Variants in CMSS1 observed in about 807,000 individuals in gnomAD.
The protein encoded by CMSS1 is cms1 ribosomal small subunit homolog, also known as protein CMSS1.
CMSS1 carries 33 observed loss-of-function variants against 43.5 expected under a neutral mutation model. The observed-to-expected ratio is 0.76, with a 90% CI of 0.57 to 1.01. CMSS1 has a LOEUF of 1.01. CMSS1 is among the 50% of genes least tolerant of loss of function. The probability of loss-of-function intolerance (pLI) is 0.00; values close to 1 mark genes in which losing one functional copy is unlikely to be tolerated. For missense variants in CMSS1, 313 were observed against 326.4 expected (o/e 0.96, Z 0.32); for synonymous variants, 115 against 117.2 (o/e 0.98, Z 0.12).
intron 1 of CMSS1, chr3:99,930,829 T>G: frequency 6.2e-7 from 1 of 1,612,710 alleles, no homozygotes; most frequent in East Asian, 2.2e-5. Context: ...AGAGGTCTTC[T>G]GCTTGGTGGC....
At chr3:99,907,711 G>A (rs918414787) in intron 1 of CMSS1, among the ~76,000 whole-genome samples, 3 of 152,004 alleles carry the variant, frequency 2.0e-5, no homozygotes, top group Non-Finnish European at 2.9e-5. Flanking sequence ...ATGCTATTAA[G>A]TCCACCTATA....
At chr3:100,161,073 G>A (rs1408722034) in intron 3 of CMSS1, among the ~76,000 whole-genome samples, 2 of 152,118 alleles carry the variant, frequency 1.3e-5, no homozygotes, top group Non-Finnish European at 2.9e-5. Flanking sequence ...GCTCAGCCTT[G>A]GAGAAAGTAT....
chr3:100,002,832 A>G (rs1308851470), intron 1 of CMSS1, among the ~76,000 whole-genome samples: 2 of 152,166 alleles, frequency 1.3e-5, no homozygotes, highest in Non-Finnish European at 2.9e-5. Context: ...CCTCTAAAGC[A>G]TGATTTAAAC....
In CMSS1 at chr3:100,062,093, C is replaced by CTTTTTTTTTTT. The variant is rs71907944; in HGVS notation, c.65-84854_65-84844dup. 2.0e-3 allele frequency among the ~76,000 whole-genome samples: 104 copies of CTTTTTTTTTTT among 53,178 alleles called. 25 individuals carry two copies. The highest frequency in any genetic ancestry group is 4.0e-3 in the African/African-American group (45 of 11,240). The allele number at this position is 53,178 out of a possible 152,430, so 34.9% of individuals were successfully genotyped here. ...CCACTTGTGGTTATCCTGTCTTCTT[C>CTTTTTTTTTTT]TTTTTTTTTTTTTTTTTTTTTTTTT... On this transcript the variant is annotated intron_variant, in intron 1 of 9. Coordinates refer to ENST00000421999, the MANE Select transcript of CMSS1 (RefSeq NM_032359.4).
At chr3:99,862,140 T>G (rs148539327) in intron 1 of CMSS1, among the ~76,000 whole-genome samples, 1 of 152,332 alleles carries the variant, frequency 6.6e-6, no homozygotes, top group African/African-American at 2.4e-5. Flanking sequence ...TTAGCTTGAT[T>G]TAGCCATTCC....
chr3:99,905,150 C>G (rs1706572350), intron 1 of CMSS1, among the ~76,000 whole-genome samples: 1 of 152,326 alleles, frequency 6.6e-6, no homozygotes, highest in South Asian at 2.1e-4. Flanking sequence ...TAGCTTATCC[C>G]CCTTTGAATG....
At position 99,817,895 on chromosome 3, in the gene CMSS1, C is replaced by G; in HGVS notation, c.-85C>G. The G allele has an allele frequency of 6.9e-7, 1 of 1,444,288 alleles. No individual in the cohort carries two copies. The highest frequency in any genetic ancestry group is 1.2e-5 in the South Asian group (1 of 85,576). The allele number at this position is 1,444,288 out of a possible 1,614,324, so 89.5% of individuals were successfully genotyped here. A position where few individuals can be genotyped will look rare whatever the true frequency, so the allele number is the denominator to read the frequency against. On this transcript the variant is annotated 5_prime_UTR_variant, in exon 1 of 10. Transcript: ENST00000421999. ...GCGGGAGCTCCGCGTGTAGCTACGC[C>G]GGCCGCCTGGCTTTGAGACAACGTG... is the stretch of plus-strand genomic sequence containing the variant.
chr3:100,095,978 T>G (rs1172509996), intron 1 of CMSS1, among the ~76,000 whole-genome samples: 1 of 152,104 alleles, frequency 6.6e-6, no homozygotes, highest in Non-Finnish European at 1.5e-5. Context: ...AATAGACATT[T>G]CTCAAACGAA....
chr3:100,131,089 G>A (rs569654116), intron 1 of CMSS1, among the ~76,000 whole-genome samples: 1 of 152,294 alleles, frequency 6.6e-6, no homozygotes, highest in South Asian at 2.1e-4. Flanking sequence ...GCCAGACTGT[G>A]TGTTAAGTAA....
At chr3:100,176,440 T>A in intron 9 of CMSS1, 25 bp downstream of exon 9, 1 of 1,485,596 alleles carries the variant, frequency 6.7e-7, no homozygotes, top group Non-Finnish European at 9.4e-7. Context: ...GCAGTTGCCT[T>A]TAATCATTTT....
At chr3:99,819,998 C>T (rs1245189659) in intron 1 of CMSS1, among the ~76,000 whole-genome samples, 2 of 151,286 alleles carry the variant, frequency 1.3e-5, no homozygotes, top group Non-Finnish European at 2.9e-5. Context: ...CGTGATCTGC[C>T]CACCTCGGCC....
At chr3:99,828,051 AT>A (rs1942569529) in intron 1 of CMSS1, among the ~76,000 whole-genome samples, 1 of 152,194 alleles carries the variant, frequency 6.6e-6, no homozygotes, top group South Asian at 2.1e-4. Context: ...CATACAACGT[AT>A]TTTGTGCTTC....
intron 1 of CMSS1, among the ~76,000 whole-genome samples, chr3:100,061,158 A>T (rs534193355): frequency 2.0e-3 from 307 of 152,358 alleles, no homozygotes; most frequent in Non-Finnish European, 3.3e-3. Flanking sequence ...AAAAAATTTT[A>T]AAAGGAAGGA....
At chr3:99,886,427 G>A (rs946537350) in intron 1 of CMSS1, among the ~76,000 whole-genome samples, 4 of 151,368 alleles carry the variant, frequency 2.6e-5, no homozygotes, top group Admixed American at 6.6e-5. Context: ...AAAAAAAATC[G>A]GAAAAAAAAA....
intron 1 of CMSS1, among the ~76,000 whole-genome samples, chr3:99,926,821 A>G (rs1707306810): frequency 6.6e-6 from 1 of 152,052 alleles, no homozygotes; most frequent in South Asian, 2.1e-4. Flanking sequence ...TTTTCCCTTT[A>G]TATGTTCGTG....
At chr3:99,855,622 C>T (rs1943923074) in intron 1 of CMSS1, among the ~76,000 whole-genome samples, 1 of 152,166 alleles carries the variant, frequency 6.6e-6, no homozygotes, top group South Asian at 2.1e-4. Flanking sequence ...GGTCCACACA[C>T]AAGGATTTTT....
At chr3:100,144,439 A>C (rs1297134568) in intron 1 of CMSS1, among the ~76,000 whole-genome samples, 1 of 152,092 alleles carries the variant, frequency 6.6e-6, no homozygotes, top group Admixed American at 6.5e-5. Context: ...TTGATACTGC[A>C]GTGGTGGTGG....
At chr3:100,055,840 C>G (rs1304885807) in intron 1 of CMSS1, among the ~76,000 whole-genome samples, 3 of 152,166 alleles carry the variant, frequency 2.0e-5, no homozygotes. Context: ...TTAAATTACT[C>G]TTCCACAATA....
chr3:99,878,999 A>G (rs972908262), intron 1 of CMSS1, among the ~76,000 whole-genome samples: 6 of 152,184 alleles, frequency 3.9e-5, no homozygotes, highest in Admixed American at 2.6e-4. Flanking sequence ...CTGTGCCTCA[A>G]AATTGGATGA....
Sources: allele counts gnomAD v4.1 joint callset (sites outside exome capture counted in the v4.1 genomes callset), GRCh38; gene constraint gnomAD v4.1.1; transcripts MANE v1.5; gene names NCBI Gene and HGNC (gene_info 2026-07-23, HGNC 2026-07-21).